Variants in SH3RF2 observed in about 807,000 individuals in gnomAD.
The protein encoded by SH3RF2 is SH3 domain containing ring finger 2.
A neutral mutation model predicts 59.0 loss-of-function variants in SH3RF2; 43 were observed. That is an observed-to-expected ratio of 0.73 (90% confidence interval 0.57 to 0.94). The LOEUF (loss-of-function observed/expected upper bound fraction) is 0.94, where lower values mean the gene tolerates loss of function less well. Ranked by LOEUF, SH3RF2 falls within the 40% of genes least tolerant of loss-of-function variation. SH3RF2 has a pLI of 0.00. For synonymous variants in SH3RF2, 391 were observed against 391.5 expected, an observed-to-expected ratio of 1.00 and a Z score of 0.01; for missense variants, 930 against 940.1, an observed-to-expected ratio of 0.99 and a Z score of 0.14.
At chr5:146,073,113 A>T (rs1763271468) in intron 9 of SH3RF2, among the ~76,000 whole-genome samples, 1 of 152,232 alleles carries the variant, frequency 6.6e-6, no homozygotes, top group African/African-American at 2.4e-5. Flanking sequence ...CCAGCTCTGA[A>T]GGACAAGAAA....
chr5:146,002,149 G>A (rs142178103), intron 3 of SH3RF2, among the ~76,000 whole-genome samples: 1 of 152,236 alleles, frequency 6.6e-6, no homozygotes, highest in East Asian at 1.9e-4. Flanking sequence ...AGGGTAGACC[G>A]ACATTAAAGA....
At chr5:145,975,719 C>T (rs1759264065) in intron 2 of SH3RF2, among the ~76,000 whole-genome samples, 2 of 152,250 alleles carry the variant, frequency 1.3e-5, no homozygotes, top group Admixed American at 1.3e-4. Context: ...CACAGGACCA[C>T]TGGACCCTTG....
intron 4 of SH3RF2, among the ~76,000 whole-genome samples, chr5:146,010,278 G>T (rs1262621821): frequency 1.3e-5 from 2 of 152,154 alleles, no homozygotes; most frequent in Non-Finnish European, 2.9e-5. Context: ...CAGTCTATCA[G>T]TGATGGACAT....
intron 4 of SH3RF2, among the ~76,000 whole-genome samples, chr5:146,006,374 T>C (rs1349466849): frequency 2.0e-5 from 3 of 152,094 alleles, no homozygotes; most frequent in East Asian, 1.9e-4. Context: ...TGAGCCGTGA[T>C]TGTGCCACTA....
intron 4 of SH3RF2, among the ~76,000 whole-genome samples, chr5:146,011,925 G>A (rs1760918637): frequency 6.6e-6 from 1 of 152,164 alleles, no homozygotes; most frequent in African/African-American, 2.4e-5. Flanking sequence ...ATGTTAAATA[G>A]GAGTGGTGAC....
At chr5:146,004,777 G>GAAC in intron 4 of SH3RF2, among the ~76,000 whole-genome samples, 1 of 152,132 alleles carries the variant, frequency 6.6e-6, no homozygotes, top group East Asian at 1.9e-4. Context: ...ATGATTCATT[G>GAAC]TTAAGTTTTT....
intron 3 of SH3RF2, 59 bp from the exon 4 acceptor site, chr5:146,003,999 G>A: frequency 6.9e-7 from 1 of 1,455,060 alleles, no homozygotes; most frequent in East Asian, 2.3e-5. Context: ...GATCTCTGCT[G>A]AGAGCTTTTA....
chr5:146,036,297 G>A (rs1204665323), intron 5 of SH3RF2, among the ~76,000 whole-genome samples: 3 of 152,214 alleles, frequency 2.0e-5, no homozygotes, highest in East Asian at 3.8e-4. Context: ...GCTCACACCC[G>A]TGGTATCAGC....
At chr5:145,971,896 A>T (rs953685049) in intron 2 of SH3RF2, among the ~76,000 whole-genome samples, 1 of 152,092 alleles carries the variant, frequency 6.6e-6, no homozygotes, top group African/African-American at 2.4e-5. Context: ...GATGATGATG[A>T]TGATGATGAT....
rs1045662120 is a variant in SH3RF2, at chr5:146,049,256, T to G, written c.1322+11T>G. The G allele has an allele frequency of 3.1e-6, 5 of 1,593,486 alleles. No homozygotes were observed. The highest frequency in any genetic ancestry group is 1.7e-5 in the Admixed American group (1 of 58,792). On this transcript the variant is annotated intron_variant, in intron 7 of 9. Coordinates refer to ENST00000359120, the MANE Select transcript of SH3RF2 (RefSeq NM_152550.4). Reference sequence around the variant, plus strand: ...CATCCCCATTTTCAGGTGTGTCGCCTCCAATCCCAGACTTTGGGAGGTTGG... The same window carrying G: ...CATCCCCATTTTCAGGTGTGTCGCCGCCAATCCCAGACTTTGGGAGGTTGG...
At chr5:146,005,249 G>A (rs1760596966) in intron 4 of SH3RF2, among the ~76,000 whole-genome samples, 1 of 152,180 alleles carries the variant, frequency 6.6e-6, no homozygotes, top group African/African-American at 2.4e-5. Context: ...CATTAGCCAT[G>A]AGCCTCACTT....
chr5:145,962,664 G>A lies in SH3RF2; in HGVS notation c.378+24358G>A, dbSNP rs540172515. Among the ~76,000 whole-genome samples, 12 of 152,016 alleles carry A rather than the reference G, an allele frequency of 7.9e-5. No individual in the cohort carries two copies. The East Asian group carries it at 1.2e-3, about 15-fold the overall frequency. On this transcript the variant is annotated intron_variant, in intron 2 of 9. Coordinates refer to ENST00000359120, the MANE Select transcript of SH3RF2 (RefSeq NM_152550.4). ...TGTATGCATGGTTTTGCCTTAGGCC[G>A]TCCTTCTTTCCCACCCCTCCACCAG...
At chr5:146,036,868 A>G (rs890993641) in intron 5 of SH3RF2, among the ~76,000 whole-genome samples, 2 of 152,238 alleles carry the variant, frequency 1.3e-5, no homozygotes, top group Non-Finnish European at 2.9e-5. Context: ...AAGCCTCAGG[A>G]TCCATGAGAA....
intron 2 of SH3RF2, among the ~76,000 whole-genome samples, chr5:145,943,231 A>T (rs1198430433): frequency 2.1e-5 from 2 of 95,898 alleles, no homozygotes; most frequent in Non-Finnish European, 3.9e-5. Context: ...GATCTCCATT[A>T]AAAAAAAAAA....
At chr5:146,008,915 T>C (rs1464490094) in intron 4 of SH3RF2, among the ~76,000 whole-genome samples, 1 of 152,240 alleles carries the variant, frequency 6.6e-6, no homozygotes, top group African/African-American at 2.4e-5. Flanking sequence ...TTCTTTCATT[T>C]TGCATAAAGC....
At chr5:146,051,670 T>C (rs536158069) in intron 7 of SH3RF2, among the ~76,000 whole-genome samples, 1 of 152,222 alleles carries the variant, frequency 6.6e-6, no homozygotes, top group Non-Finnish European at 1.5e-5. Context: ...TTTTGGGGTA[T>C]GGAGGGAAGT....
chr5:145,992,056 TA>T (rs1457926119), intron 2 of SH3RF2, among the ~76,000 whole-genome samples: 1 of 152,064 alleles, frequency 6.6e-6, no homozygotes, highest in Non-Finnish European at 1.5e-5. Flanking sequence ...CAGATTCTCA[TA>T]GGGGGAAACC....
intron 5 of SH3RF2, among the ~76,000 whole-genome samples, chr5:146,035,662 C>T (rs992172842): frequency 6.6e-6 from 1 of 152,230 alleles, no homozygotes; most frequent in Non-Finnish European, 1.5e-5. Flanking sequence ...TGTGGGTCCA[C>T]ATTCCTTAGT....
At chr5:146,025,762 G>C (rs1761509217) in intron 5 of SH3RF2, among the ~76,000 whole-genome samples, 1 of 152,180 alleles carries the variant, frequency 6.6e-6, no homozygotes, top group Non-Finnish European at 1.5e-5. Flanking sequence ...TACAGAGGAA[G>C]GTAGCTTAGT....
Sources: gnomAD v4.1 joint callset for allele counts (sites outside exome capture counted in the v4.1 genomes callset) on GRCh38, gnomAD v4.1.1 for gene constraint, MANE v1.5 for transcripts, NCBI Gene and HGNC (gene_info 2026-07-23, HGNC 2026-07-21) for gene names.